RPL5: variants seen among roughly 807,000 people sequenced by gnomAD.
The protein encoded by RPL5 is large ribosomal subunit protein uL18.
A neutral mutation model predicts 38.4 loss-of-function variants in RPL5; 1 was observed. The ratio of observed to expected loss-of-function variants is 0.03; its 90% CI spans 0.01 to 0.12. The LOEUF (loss-of-function observed/expected upper bound fraction) is 0.12, where lower values mean the gene tolerates loss of function less well. RPL5 is among the 10% of genes least tolerant of loss of function. The pLI is 1.00. For synonymous variants in RPL5, 109 were observed against 121.2 expected, an observed-to-expected ratio of 0.90 and a Z score of 0.66; for missense variants, 243 against 374.1, an observed-to-expected ratio of 0.65 and a Z score of 2.89.
intron 4 of RPL5, chr1:92,835,372 GC>G (rs1687076995): frequency 4.4e-6 from 1 of 228,160 alleles, no homozygotes; most frequent in African/African-American, 2.3e-5. Context: ...GAGAATCTTG[GC>G]TAGGCGCGGT....
rs2100688720 is a variant in RPL5 at position 92,837,647 on chromosome 1, C to T, written c.705+14C>T. 3 of 1,604,654 alleles carry T rather than the reference C, an allele frequency of 1.9e-6. No individual in the cohort carries two copies. Among genetic ancestry groups the T allele is most frequent in the Non-Finnish European group, 2.6e-6 (3 of 1,173,230 alleles). On this transcript the variant is annotated intron_variant, in intron 6 of 7. Coordinates refer to ENST00000370321, the MANE Select transcript of RPL5 (RefSeq NM_000969.5). ...ACTCCAGACATGGTAAAACATTTAC[C>T]TAAAAATGCCTATATTGGTTAATTT... is the stretch of plus-strand genomic sequence containing the variant.
At chr1:92,832,300 T>G (rs1484019273) in intron 1 of RPL5, 183 bp downstream of exon 1, 4 of 924,410 alleles carry the variant, frequency 4.3e-6, no homozygotes, top group Middle Eastern at 2.1e-4. Context: ...GTGCGCGAAC[T>G]TGGGGGGAGG....
chr1:92,840,981 C>T, intron 7 of RPL5: 2 of 412,882 alleles, frequency 4.8e-6, no homozygotes, highest in Non-Finnish European at 9.4e-6. Flanking sequence ...TGTGATGGCC[C>T]ACAAATACAA....
At chr1:92,835,503 A>G (rs1403068404) in intron 4 of RPL5, among the ~76,000 whole-genome samples, 2 of 150,822 alleles carry the variant, frequency 1.3e-5, no homozygotes, top group South Asian at 2.2e-4. Context: ...AAAAGTAGAA[A>G]AAAAAAAAAA....
Position 92,841,752 on chromosome 1 carries a change from C to G in RPL5, c.795-14C>G. On this transcript the variant is annotated splice_polypyrimidine_tract_variant and intron_variant, in intron 7 of 7. Coordinates refer to ENST00000370321, the MANE Select transcript of RPL5 (RefSeq NM_000969.5). Reference sequence around the variant, plus strand: ...AGTTATAGTTTAAAAAATATATATTCCTATCTTTTGTAGGTGGAACCGTCC... The same window carrying G: ...AGTTATAGTTTAAAAAATATATATTGCTATCTTTTGTAGGTGGAACCGTCC... 1 of 1,566,140 alleles carries G rather than the reference C, an allele frequency of 6.4e-7. No individual in the cohort carries two copies. Among genetic ancestry groups the G allele is most frequent in the South Asian group, 1.1e-5 (1 of 89,692 alleles).
chr1:92,837,676 G>C, intron 6 of RPL5, 43 bp downstream of exon 6: 1 of 1,544,098 alleles, frequency 6.5e-7, no homozygotes, highest in Non-Finnish European at 8.9e-7. Context: ...TTAATTTATG[G>C]AAATAGGTTT....
intron 6 of RPL5, among the ~76,000 whole-genome samples, chr1:92,839,192 C>G (rs2100692945): frequency 6.6e-6 from 1 of 151,974 alleles, no homozygotes; most frequent in South Asian, 2.1e-4. Flanking sequence ...AACCCTGTCT[C>G]TGCTAAAAAT....
rs1687064199 is a variant in RPL5, at chr1:92,835,070, C to T, written c.324+157C>T. ...TTGTTAATGGATCTATCTAGGTCAG[C>T]TCTTTCCAATAAAATTTTCTGCAAT... On this transcript the variant is annotated intron_variant, in intron 4 of 7. Transcript: ENST00000370321. 6.6e-6 allele frequency: 7 copies of T among 1,054,292 alleles called. No homozygotes were observed. In the Admixed American group the frequency reaches 1.3e-4, roughly 19 times the overall value. The allele number at this position is 1,054,292 out of a possible 1,614,324, so 65.3% of individuals were successfully genotyped here.
intron 4 of RPL5, among the ~76,000 whole-genome samples, 179 bp from the exon 5 acceptor site, chr1:92,836,011 G>GT (rs957223377): frequency 7.3e-5 from 11 of 150,272 alleles, no homozygotes; most frequent in Non-Finnish European, 8.9e-5. Flanking sequence ...AATGTTTTAA[G>GT]TTTTTTTTTT....
intron 7 of RPL5, 50 bp from the exon 8 acceptor site, chr1:92,841,716 C>G: frequency 8.6e-7 from 1 of 1,165,436 alleles, no homozygotes; most frequent in Non-Finnish European, 1.2e-6. Flanking sequence ...ATTAAATATT[C>G]TATTCTCTTC....
intron 4 of RPL5, among the ~76,000 whole-genome samples, chr1:92,835,836 G>A (rs1373999961): frequency 6.6e-6 from 1 of 152,136 alleles, no homozygotes. Flanking sequence ...TGTGCAGCAA[G>A]GTTGATGACA....
chr1:92,834,344 C>T (rs1389006133), intron 3 of RPL5, among the ~76,000 whole-genome samples: 1 of 152,178 alleles, frequency 6.6e-6, no homozygotes, highest in African/African-American at 2.4e-5. Flanking sequence ...GTCAGTTTTG[C>T]TCTTGTACTA....
At position 92,833,948 on chromosome 1, in the gene RPL5, A is replaced by G. The variant is rs558220259; in HGVS notation, c.189+288A>G. On this transcript the variant is annotated intron_variant, in intron 3 of 7. Coordinates refer to ENST00000370321, the MANE Select transcript of RPL5 (RefSeq NM_000969.5). ...TAGTGAGAGTTTGTCTTCACAAAAA[A>G]TGTAAGAAAATTAGCTGGGCATGGC... is the stretch of plus-strand genomic sequence containing the variant. The G allele has an allele frequency of 3.6e-5, 14 of 392,644 alleles. 1 individual carries two copies. The highest frequency in any genetic ancestry group is 2.9e-4 in the African/African-American group (14 of 48,890). 24.3% of individuals were successfully genotyped at this position (392,644 alleles called of 1,614,324 possible).
At chr1:92,840,036 T>TA (rs1408462724) in intron 6 of RPL5, among the ~76,000 whole-genome samples, 1 of 150,714 alleles carries the variant, frequency 6.6e-6, no homozygotes, top group Admixed American at 6.6e-5. Context: ...TAATTTTTGG[T>TA]AGAGATGAGG....
At chr1:92,834,957 G>C in intron 4 of RPL5, 44 bp downstream of exon 4, 1 of 1,599,542 alleles carries the variant, frequency 6.3e-7, no homozygotes, top group South Asian at 1.1e-5. Flanking sequence ...GTGGCTGATT[G>C]CTTGGAGAGT....
At chr1:92,833,282 CTGTT>C in intron 1 of RPL5, 103 bp from the exon 2 acceptor site, 1 of 902,480 alleles carries the variant, frequency 1.1e-6, no homozygotes, top group Non-Finnish European at 1.8e-6. Context: ...TGACAGTTGT[CTGTT>C]TACTCTTGAA....
intron 3 of RPL5, 96 bp downstream of exon 3, chr1:92,833,756 G>A (rs1687009065): frequency 2.1e-6 from 2 of 946,642 alleles, no homozygotes; most frequent in Non-Finnish European, 3.4e-6. Context: ...GGGCTGTCTA[G>A]CACCTCCAAA....
chr1:92,837,418 AGT>A (rs1172864934), intron 5 of RPL5, 36 bp from the exon 6 acceptor site: 1 of 1,558,560 alleles, frequency 6.4e-7, no homozygotes, highest in Non-Finnish European at 8.9e-7. Context: ...AACTAAGTTA[AGT>A]GAGTCTATAC....
At chr1:92,838,003 T>C (rs1341124866) in intron 6 of RPL5, among the ~76,000 whole-genome samples, 1 of 152,236 alleles carries the variant, frequency 6.6e-6, no homozygotes, top group Non-Finnish European at 1.5e-5. Context: ...ATCTCAGACA[T>C]GTACACAGGA....
Sources: allele counts gnomAD v4.1 joint callset (sites outside exome capture counted in the v4.1 genomes callset), GRCh38; gene constraint gnomAD v4.1.1; transcripts MANE v1.5; gene names NCBI Gene and HGNC (gene_info 2026-07-23, HGNC 2026-07-21).